ZNF503: variants seen among roughly 807,000 people sequenced by gnomAD.
ZNF503 encodes the protein NocA-like zinc finger 2.
In ZNF503, 15 loss-of-function variants were observed where a neutral mutation model predicts 34.4. The observed-to-expected ratio is 0.44, with a 90% CI of 0.29 to 0.67. The LOEUF is 0.67. Ranked by LOEUF, ZNF503 falls within the 30% of genes least tolerant of loss-of-function variation. The pLI, the probability that ZNF503 is intolerant of heterozygous loss-of-function variation, is 0.13. For missense variants in ZNF503, 1,007 were observed against 926.8 expected, an observed-to-expected ratio of 1.09 and a Z score of -1.12; for synonymous variants, 580 against 456.8, an observed-to-expected ratio of 1.27 and a Z score of -3.44.
the ZNF503 span, among the ~76,000 whole-genome samples, chr10:75,352,542 C>T: frequency 0.4 from 60,995 of 151,964 alleles, 12,797 homozygotes; most frequent in African/African-American, 0.51. Context: ...TTCCACTTGA[C>T]GTGAGCCTCT....
chr10:75,329,849 C>T, the ZNF503 span, among the ~76,000 whole-genome samples: 1 of 152,108 alleles, frequency 6.6e-6, no homozygotes, highest in South Asian at 2.1e-4. Context: ...TTTGGATATC[C>T]TTTATATTTT....
chr10:75,382,531 G>C, the ZNF503 span: 1 of 630,290 alleles, frequency 1.6e-6, no homozygotes, highest in Non-Finnish European at 2.6e-6. Context: ...CCTCAGAAGA[G>C]TCTAAGATGG....
At chr10:75,327,188 C>G in the ZNF503 span, among the ~76,000 whole-genome samples, 2 of 152,206 alleles carry the variant, frequency 1.3e-5, no homozygotes, top group Admixed American at 6.5e-5. Flanking sequence ...TTCCTCCTGT[C>G]TAGCTCTACT....
the ZNF503 span, among the ~76,000 whole-genome samples, chr10:75,375,463 G>A: frequency 6.6e-6 from 1 of 152,068 alleles, no homozygotes; most frequent in Non-Finnish European, 1.5e-5. Context: ...AGTCCAAATG[G>A]GGGCTTATGT....
Position 75,399,738 on chromosome 10 carries a change from T to C in ZNF503, c.952A>G (p.Ser318Gly), listed in dbSNP as rs940910771. The change falls in exon 2 of 2, where the codon AGC (serine) becomes GGC (glycine). Residue 318 changes from serine (S) to glycine (G), a missense_variant. By Grantham distance (56) the Ser-to-Gly change is moderately conservative. Transcript: ENST00000372524. ...GGCGCGCTGGGGCCGGAGCCGGAGC[T>C]GGAGCCCGATGAACCGCCGCAGTCC... Reference protein sequence around the residue: ...GSDCGGSSGSSSGSGPSAPTS... With the variant: ...GSDCGGSSGSGSGSGPSAPTS... 3.2e-5 allele frequency: 51 copies of C among 1,594,324 alleles called. No homozygotes were observed. The highest frequency in any genetic ancestry group is 6.7e-5 in the East Asian group (3 of 44,508).
the ZNF503 span, among the ~76,000 whole-genome samples, chr10:75,367,317 C>A: frequency 2.6e-5 from 4 of 152,124 alleles, no homozygotes; most frequent in East Asian, 7.7e-4. Flanking sequence ...GCACGGGAAA[C>A]TCTCTAACTT....
the ZNF503 span, among the ~76,000 whole-genome samples, chr10:75,377,291 AAGCCCAGGGC>A: frequency 1.3e-5 from 2 of 152,204 alleles, no homozygotes; most frequent in Non-Finnish European, 2.9e-5. Flanking sequence ...GGATCATGGA[AAGCCCAGGGC>A]ACAAAATCTC....
the ZNF503 span, among the ~76,000 whole-genome samples, chr10:75,317,956 A>C: frequency 6.6e-6 from 1 of 152,310 alleles, no homozygotes; most frequent in Non-Finnish European, 1.5e-5. Flanking sequence ...AGATCACACC[A>C]CTACACTCCA....
chr10:75,376,264 A>G, the ZNF503 span, among the ~76,000 whole-genome samples: 2 of 152,138 alleles, frequency 1.3e-5, no homozygotes, highest in Non-Finnish European at 2.9e-5. Context: ...CTGGGAGCCC[A>G]ATGTTTCCCA....
At chr10:75,285,587 G>A in the ZNF503 span, among the ~76,000 whole-genome samples, 10 of 152,228 alleles carry the variant, frequency 6.6e-5, no homozygotes, top group African/African-American at 1.7e-4. Flanking sequence ...TGGGAGAAAC[G>A]GTGACGTGGG....
chr10:75,401,440 A>G lies in ZNF503; in HGVS notation c.-21T>C, dbSNP rs866977941. ...CTCATGACCCACCCGCGCGCATGGG[A>G]GCAGCGGGGGGGAGGGCTCCGGGAG... On this transcript the variant is annotated 5_prime_UTR_variant, in exon 1 of 2. Coordinates refer to ENST00000372524, the MANE Select transcript of ZNF503 (RefSeq NM_032772.6). The G allele has an allele frequency of 6.5e-7, 1 of 1,527,418 alleles. No individual in the cohort carries two copies. The highest frequency in any genetic ancestry group is 1.4e-5 in the African/African-American group (1 of 71,328). 94.6% of individuals were successfully genotyped at this position (1,527,418 alleles called of 1,614,324 possible).
At chr10:75,400,401 G>A (rs1417450531) in intron 1 of ZNF503, 27 bp from the exon 2 acceptor site, 8 of 1,579,792 alleles carry the variant, frequency 5.1e-6, no homozygotes, top group Non-Finnish European at 6.0e-6. Context: ...TGGGGGGGGA[G>A]CGTCACACAG....
the ZNF503 span, among the ~76,000 whole-genome samples, chr10:75,353,923 C>T: frequency 6.6e-6 from 1 of 152,196 alleles, no homozygotes; most frequent in Non-Finnish European, 1.5e-5. Context: ...GTGAGCTCAG[C>T]GTTGGCTCAG....
the ZNF503 span, chr10:75,373,513 A>G: frequency 6.6e-6 from 1 of 152,370 alleles, no homozygotes; most frequent in South Asian, 2.1e-4. Flanking sequence ...TGGAGCCTCC[A>G]TTAAAGGCTG....
the ZNF503 span, among the ~76,000 whole-genome samples, chr10:75,376,813 C>T: frequency 1.1e-4 from 16 of 152,210 alleles, no homozygotes; most frequent in South Asian, 4.2e-4. Flanking sequence ...TTCACTCAGG[C>T]GAAGGGGGAA....
the ZNF503 span, chr10:75,350,608 TA>T: frequency 1.3e-5 from 2 of 152,292 alleles, no homozygotes; most frequent in Non-Finnish European, 2.9e-5. Flanking sequence ...AGTGTGGTGG[TA>T]TGATCATAGC....
the ZNF503 span, among the ~76,000 whole-genome samples, chr10:75,302,118 G>T: frequency 6.6e-6 from 1 of 152,074 alleles, no homozygotes; most frequent in South Asian, 2.1e-4. Context: ...CATGTTGAAG[G>T]ATTATTTTAG....
downstream of ZNF503, among the ~76,000 whole-genome samples, chr10:75,394,680 T>G (rs534666386): frequency 6.6e-6 from 1 of 152,292 alleles, no homozygotes; most frequent in South Asian, 2.1e-4. Flanking sequence ...GGAGCATAAG[T>G]GTGTGCCACA....
chr10:75,313,838 C>A, the ZNF503 span, among the ~76,000 whole-genome samples: 1 of 152,188 alleles, frequency 6.6e-6, no homozygotes, highest in Non-Finnish European at 1.5e-5. Flanking sequence ...AAAGAGAGAA[C>A]CTCAGAGTCT....
Sources: gnomAD v4.1 joint callset for allele counts (sites outside exome capture counted in the v4.1 genomes callset) on GRCh38, gnomAD v4.1.1 for gene constraint, MANE v1.5 for transcripts, NCBI Gene and HGNC (gene_info 2026-07-23, HGNC 2026-07-21) for gene names.